The following PACRG variants were observed in gnomAD, a reference collection of about 807,000 sequenced individuals.
The protein encoded by PACRG is parkin coregulated.
PACRG carries 29 observed loss-of-function variants against 29.7 expected under a neutral mutation model. The ratio of observed to expected loss-of-function variants is 0.98; its 90% CI spans 0.73 to 1.33. PACRG has a LOEUF of 1.33. Among genes scored for constraint, PACRG ranks in the 40% most tolerant of loss-of-function variants. PACRG has a pLI of 0.00. For synonymous variants in PACRG, 116 were observed against 118.7 expected (o/e 0.98, Z 0.15); for missense variants, 279 against 316.2 (o/e 0.88, Z 0.89).
At chr6:162,929,318 A>C (rs1295397788) in intron 2 of PACRG, among the ~76,000 whole-genome samples, 1 of 151,894 alleles carries the variant, frequency 6.6e-6, no homozygotes, top group Non-Finnish European at 1.5e-5. Context: ...CTGGGGTAAG[A>C]TGTTTCATTG....
intron 4 of PACRG, among the ~76,000 whole-genome samples, chr6:163,298,876 G>A (rs1048561514): frequency 9.2e-5 from 14 of 152,140 alleles, no homozygotes; most frequent in African/African-American, 2.9e-4. Flanking sequence ...CTCCCAAGCC[G>A]ACTTCTCCAC....
chr6:163,079,128 T>G (rs1282763697), intron 3 of PACRG, among the ~76,000 whole-genome samples: 1 of 152,122 alleles, frequency 6.6e-6, no homozygotes. Flanking sequence ...GTAATGAGAT[T>G]ATACAAATAG....
chr6:162,967,554 T>C (rs910501798), intron 2 of PACRG, among the ~76,000 whole-genome samples: 3 of 151,898 alleles, frequency 2.0e-5, no homozygotes, highest in African/African-American at 7.3e-5. Context: ...TGGCCCAGGC[T>C]GGAGTGCAGT....
At chr6:162,977,250 G>C (rs1802033470) in intron 2 of PACRG, among the ~76,000 whole-genome samples, 1 of 151,740 alleles carries the variant, frequency 6.6e-6, no homozygotes. Context: ...ACAATAAAAA[G>C]ATCCATAGCG....
intron 1 of PACRG, among the ~76,000 whole-genome samples, chr6:162,756,141 G>A (rs556226293): frequency 1.3e-5 from 2 of 152,252 alleles, no homozygotes; most frequent in Admixed American, 1.3e-4. Flanking sequence ...GGAATGTTCT[G>A]TTTATGTCTG....
At chr6:163,292,366 G>A (rs1784641037) in intron 4 of PACRG, among the ~76,000 whole-genome samples, 1 of 152,130 alleles carries the variant, frequency 6.6e-6, no homozygotes, top group South Asian at 2.1e-4. Context: ...GAATGGAGGA[G>A]GAATTGTTAT....
At chr6:162,804,344 A>G (rs1313100817) in intron 1 of PACRG, among the ~76,000 whole-genome samples, 1 of 152,104 alleles carries the variant, frequency 6.6e-6, no homozygotes, top group Non-Finnish European at 1.5e-5. Context: ...AATCCTTTAG[A>G]TTTTTGCTTG....
intron 1 of PACRG, among the ~76,000 whole-genome samples, chr6:162,749,638 A>G (rs1351323385): frequency 1.3e-5 from 2 of 152,148 alleles, no homozygotes; most frequent in Non-Finnish European, 2.9e-5. Flanking sequence ...CTCCTGCCTC[A>G]GTCCCCTGAG....
At chr6:163,149,215 T>A (rs1304509295) in intron 4 of PACRG, among the ~76,000 whole-genome samples, 1 of 151,814 alleles carries the variant, frequency 6.6e-6, no homozygotes, top group Non-Finnish European at 1.5e-5. Flanking sequence ...CCTCACTCCC[T>A]CCTTCTCCTG....
chr6:162,852,021 A>AAGGAAGGG (rs1790948435), intron 2 of PACRG, among the ~76,000 whole-genome samples: 1 of 124,626 alleles, frequency 8.0e-6, no homozygotes, highest in Non-Finnish European at 1.6e-5. Context: ...GGAAGGAAGG[A>AAGGAAGGG]AGGAAGGAAG....
At position 163,315,012 on chromosome 6, in the gene PACRG, A is replaced by T; in HGVS notation, c.*25A>T. The T allele has an allele frequency of 1.2e-6, 2 of 1,604,152 alleles. No homozygotes were observed. Among genetic ancestry groups the T allele is most frequent in the Non-Finnish European group, 1.7e-6 (2 of 1,173,534 alleles). ...ACAGTGGCAGCAGCTGGGACTTGAA[A>T]CCTCCCGTTGGTGTTGGGATCATCT... On this transcript the variant is annotated 3_prime_UTR_variant, in exon 5 of 5. Transcript: ENST00000366888.
intron 3 of PACRG, among the ~76,000 whole-genome samples, chr6:163,068,995 A>G (rs559732372): frequency 6.6e-6 from 1 of 152,110 alleles, no homozygotes; most frequent in Non-Finnish European, 1.5e-5. Context: ...TATCCTGCTT[A>G]TAGATCAACA....
intron 2 of PACRG, among the ~76,000 whole-genome samples, chr6:163,021,103 C>T (rs891202816): frequency 6.6e-6 from 1 of 152,184 alleles, no homozygotes; most frequent in African/African-American, 2.4e-5. Flanking sequence ...CCATGGTGAG[C>T]CATCACTTTA....
chr6:163,211,894 G>A (rs545720624), intron 4 of PACRG, among the ~76,000 whole-genome samples: 14 of 152,286 alleles, frequency 9.2e-5, no homozygotes, highest in Admixed American at 2.6e-4. Context: ...AGCTGAGCAC[G>A]TGCAGTCAGC....
At chr6:163,004,757 T>C (rs80154555) in intron 2 of PACRG, among the ~76,000 whole-genome samples, 26 of 119,720 alleles carry the variant, frequency 2.2e-4, no homozygotes, top group South Asian at 7.6e-4. Flanking sequence ...CACACACACA[T>C]ATCTGCAAAT....
Position 163,180,344 on chromosome 6 carries a change from C to T in PACRG, c.613+90936C>T, listed in dbSNP as rs143862276. ...TCGTTAAAATATCACGAAGCCTTCACAAGATGTTCTACTAACTAGTTCGAG... is the reference window on the plus strand; with the variant it reads ...TCGTTAAAATATCACGAAGCCTTCATAAGATGTTCTACTAACTAGTTCGAG... On this transcript the variant is annotated intron_variant, in intron 4 of 4. Transcript: ENST00000366888. Among the ~76,000 whole-genome samples, 382 of 152,324 alleles carry T rather than the reference C, an allele frequency of 2.5e-3. 1 individual carries two copies. Among genetic ancestry groups the T allele is most frequent in the Non-Finnish European group, 4.0e-3 (272 of 68,030 alleles).
At chr6:162,949,980 A>G (rs886215454) in intron 2 of PACRG, among the ~76,000 whole-genome samples, 2 of 152,192 alleles carry the variant, frequency 1.3e-5, no homozygotes, top group African/African-American at 2.4e-5. Flanking sequence ...GAAACATAAA[A>G]ACTCTGAGCA....
chr6:163,186,486 G>T (rs767529381), intron 4 of PACRG, among the ~76,000 whole-genome samples: 55 of 152,224 alleles, frequency 3.6e-4, no homozygotes, highest in Non-Finnish European at 3.4e-4. Flanking sequence ...TCTGTCCTCA[G>T]CATGGGGCCA....
chr6:163,282,505 G>A lies in PACRG; in HGVS notation c.614-32322G>A, dbSNP rs1033105648. Among the ~76,000 whole-genome samples the A allele has an allele frequency of 2.6e-5, 4 of 152,148 alleles. No individual in the cohort carries two copies. The East Asian group carries it at 7.7e-4, about 29-fold the overall frequency. On this transcript the variant is annotated intron_variant, in intron 4 of 4. Coordinates refer to ENST00000366888, the MANE Select transcript of PACRG (RefSeq NM_001080379.2). ...GCAGGTGGATCACCTGAGGTCAGGA[G>A]TTCGAGACCAGCCTGACCAACATGG...
Sources: gnomAD v4.1 joint callset for allele counts (sites outside exome capture counted in the v4.1 genomes callset) on GRCh38, gnomAD v4.1.1 for gene constraint, MANE v1.5 for transcripts, NCBI Gene and HGNC (gene_info 2026-07-23, HGNC 2026-07-21) for gene names.